POLM: variants seen among roughly 807,000 people sequenced by gnomAD.
POLM encodes DNA-directed DNA/RNA polymerase mu.
Under a neutral mutation model 56.7 loss-of-function variants are expected in POLM, and 52 were observed. That is an observed-to-expected ratio of 0.92 (90% confidence interval 0.73 to 1.15). The LOEUF (loss-of-function observed/expected upper bound fraction) is 1.15. Among genes scored for constraint, POLM ranks in the 50% most tolerant of loss-of-function variants. The probability of loss-of-function intolerance (pLI) is 0.00; values close to 1 mark genes in which losing one functional copy is unlikely to be tolerated. For missense variants in POLM, 660 were observed against 663.6 expected (o/e 0.99, Z 0.06); for synonymous variants, 273 against 274.3 (o/e 1.00, Z 0.05).
Position 44,073,999 on chromosome 7 carries a change from C to A in POLM, c.1098G>T (p.Gln366His), listed in dbSNP as rs1638344487. Residue 366 changes from glutamine to histidine, a missense_variant, in exon 9 of 11, where the codon CAG becomes CAT. Physicochemically the swap from Gln to His is conservative, Grantham distance 24. Transcript: ENST00000242248. ...DQGLILYHQH[Q>H]HSCCESPTRL... is the part of the protein sequence containing the mutation. ...GGGTAGGGGACTCACAGCAGCTGTG[C>A]TGGTGCTGGTGGTACAGGATGAGGC... 2.5e-6 allele frequency: 4 copies of A among 1,613,948 alleles called. No individual in the cohort carries two copies. The South Asian group carries it at 4.4e-5, about 18-fold the overall frequency.
chr7:44,081,057 T>A (rs1483710206), intron 1 of POLM, 141 bp from the exon 2 acceptor site: 16 of 634,016 alleles, frequency 2.5e-5, no homozygotes, highest in South Asian at 2.0e-4. Context: ...CAGAAAGCCT[T>A]CCCAGCCCCT....
chr7:44,078,586 G>T (rs1003114084), intron 5 of POLM, 154 bp downstream of exon 5: 4 of 638,778 alleles, frequency 6.3e-6, no homozygotes, highest in Admixed American at 2.5e-5. Context: ...TGCATATCAG[G>T]TATCAGCTTA....
Position 44,078,735 on chromosome 7 carries a change from C to A in POLM, c.714+5G>T, listed in dbSNP as rs765581013. ...TGGGGTAGGTCCGAGCCCTGCCCTG[C>A]GCACCTTCATGGTCTGGTACCTCTC... On this transcript the variant is annotated splice_donor_5th_base_variant and intron_variant, in intron 5 of 10. Transcript: ENST00000242248. 6 of 1,613,120 alleles carry A rather than the reference C, an allele frequency of 3.7e-6. No individual in the cohort carries two copies. Among genetic ancestry groups the A allele is most frequent in the East Asian group, 2.2e-5 (1 of 44,876 alleles).
At position 44,074,486 on chromosome 7, in the gene POLM, C is replaced by T. The variant is rs769143197; in HGVS notation, c.880G>A (p.Asp294Asn). The T allele has an allele frequency of 1.8e-5, 28 of 1,597,832 alleles. No homozygotes were observed. Among genetic ancestry groups the T allele is most frequent in the Non-Finnish European group, 2.1e-5 (25 of 1,172,870 alleles). Residue 294 changes from aspartate to asparagine, a missense_variant, in exon 7 of 11, where the codon GAT (aspartate) becomes AAT (asparagine). Transcript: ENST00000242248. The part of the protein sequence containing the change: ...QDLSTPVLRS[D>N]VDALQQVVEE... ...ACCACCTGCTGCAGGGCATCTACAT[C>T]GGACCGCAGGACTGGGGTGCTCAGG...
Position 44,080,912 on chromosome 7 carries a change from C to T in POLM, c.193G>A (p.Glu65Lys), listed in dbSNP as rs774514038. 9.0e-6 allele frequency: 14 copies of T among 1,562,864 alleles called. No individual in the cohort carries two copies. In the East Asian group the frequency reaches 1.6e-4, roughly 18 times the overall value. ...TCTTCCATCACAACATGTGTCGCTT[C>T]GGAGCTGGTGGAGGGAGTTGGGAGA... ...GFRVLDACSS[E>K]ATHVVMEETS... The change falls in exon 2 of 11, where the codon GAA becomes AAA. Residue 65 changes from glutamate to lysine, a missense_variant. By Grantham distance (56) the Glu-to-Lys change is moderately conservative. Transcript: ENST00000242248.
intron 6 of POLM, among the ~76,000 whole-genome samples, chr7:44,075,246 C>T (rs1367058998): frequency 2.0e-5 from 3 of 152,176 alleles, no homozygotes; most frequent in Non-Finnish European, 4.4e-5. Flanking sequence ...GACAGGGTTT[C>T]GCCACGTTGG....
chr7:44,079,476 G>C, intron 4 of POLM, 95 bp downstream of exon 4: 1 of 1,215,824 alleles, frequency 8.2e-7, no homozygotes, highest in Non-Finnish European at 1.2e-6. Flanking sequence ...ACGACTGTCT[G>C]TCCTCACCCA....
Position 44,080,829 on chromosome 7 carries a change from C to T in POLM, c.276G>A (p.Pro92=), listed in dbSNP as rs377356748. 7 of 1,612,836 alleles carry T rather than the reference C, an allele frequency of 4.3e-6. No individual in the cohort carries two copies. Among genetic ancestry groups the T allele is most frequent in the South Asian group, 2.2e-5 (2 of 90,946 alleles). Residue 92 remains proline (P), a synonymous_variant, in exon 2 of 11, where the codon CCG becomes CCA. Coordinates refer to ENST00000242248, the MANE Select transcript of POLM (RefSeq NM_013284.4). ...CCAGCAGAGCTGGGGGGGTGCAACC[C>T]GGGGGAGCAGCTGCCATCCTGCGCT... ...WQERRMAAAP[P]GCTPPALLDI...
rs766237933 is a variant in POLM at position 44,079,720 on chromosome 7, C to T, written c.493G>A (p.Glu165Lys). Residue 165 changes from glutamate to lysine, a missense_variant, in exon 4 of 11, where the codon GAG becomes AAG. By Grantham distance (56) the Glu-to-Lys change is moderately conservative. Coordinates refer to ENST00000242248, the MANE Select transcript of POLM (RefSeq NM_013284.4). ...GLSEALEILA[E>K]AAGFEGSEGR... Reference sequence around the variant, plus strand: ...TCACTGCCTTCAAAGCCTGCTGCCTCGGCCAGTATCTCCAGAGCCTCCTGC... The same window carrying T: ...TCACTGCCTTCAAAGCCTGCTGCCTTGGCCAGTATCTCCAGAGCCTCCTGC... The T allele has an allele frequency of 4.3e-6, 7 of 1,610,482 alleles. No homozygotes were observed. Among genetic ancestry groups the T allele is most frequent in the South Asian group, 3.3e-5 (3 of 90,732 alleles).
rs1360654357 is a variant in POLM at position 44,080,681 on chromosome 7, C to T, written c.372+52G>A. The T allele has an allele frequency of 4.7e-5, 73 of 1,566,850 alleles. No homozygotes were observed. In the East Asian group the frequency reaches 1.6e-3, roughly 35 times the overall value. On this transcript the variant is annotated intron_variant, in intron 2 of 10. Transcript: ENST00000242248. ...TCACCTGTCCCAGCTGAGCAATGGC[C>T]TACACTGGGGCTTTCACTGTAGCCC...
At position 44,073,885 on chromosome 7, in the gene POLM, TC is replaced by T; in HGVS notation, c.1211del (p.Gly404AspfsTer12). On this transcript the variant is annotated frameshift_variant, in exon 9 of 11. Coordinates refer to ENST00000242248, the MANE Select transcript of POLM (RefSeq NM_013284.4). LOFTEE classifies it high-confidence loss of function. ...TCCAGGATGGGCAGGGCCTCGTGGA[TC>T]CCCCCACAGCAGCCCCTGGAGGTTG... ...LPQPPGAAVG[G>X]STRPCPSWKA... 1.4e-5 allele frequency: 23 copies of T among 1,614,084 alleles called. No homozygotes were observed. The highest frequency in any genetic ancestry group is 1.9e-5 in the Non-Finnish European group (23 of 1,180,004).
Position 44,076,548 on chromosome 7 carries a change from G to C in POLM, c.796C>G (p.Arg266Gly). The stretch of plus-strand genomic sequence containing the variant: ...TGGGTTAGTTTCTGGGGCTGCTCTC[G>C]GAGGTCATCTAAGGTTCGCAGTCCT... ...REGLRTLDDL[R>G]EQPQKLTQQQ... The change falls in exon 6 of 11, where the codon CGA becomes GGA. Residue 266 changes from arginine (R) to glycine (G), a missense_variant. Coordinates refer to ENST00000242248, the MANE Select transcript of POLM (RefSeq NM_013284.4). 6.2e-7 allele frequency: 1 copy of C among 1,614,110 alleles called. No homozygotes were observed. Among genetic ancestry groups the C allele is most frequent in the Middle Eastern group, 1.7e-4 (1 of 6,060 alleles).
chr7:44,080,416 C>G, intron 2 of POLM: 1 of 573,974 alleles, frequency 1.7e-6, no homozygotes. Context: ...TCCTGCTAAC[C>G]CATGGGTCAT....
chr7:44,080,399 G>T (rs776533881), intron 2 of POLM: 3 of 560,176 alleles, frequency 5.4e-6, no homozygotes, highest in South Asian at 4.6e-5. Flanking sequence ...GCATCCAGAG[G>T]ACAGGCTCCT....
intron 9 of POLM, 29 bp from the exon 10 acceptor site, chr7:44,073,737 G>T: frequency 6.2e-7 from 1 of 1,614,102 alleles, no homozygotes; most frequent in Non-Finnish European, 8.5e-7. Context: ...CCTCAGCAGG[G>T]CTGGCCCAGC....
chr7:44,081,172 C>G (rs944825292), intron 1 of POLM, among the ~76,000 whole-genome samples: 1 of 152,216 alleles, frequency 6.6e-6, no homozygotes, highest in African/African-American at 2.4e-5. Context: ...CTCCCTCCCT[C>G]TTCACCTCAA....
chr7:44,081,694 C>T (rs17132330), intron 1 of POLM, among the ~76,000 whole-genome samples: 23,649 of 151,482 alleles, frequency 0.16, 1,950 homozygotes, highest in Admixed American at 0.2. Context: ...AAGTCAGTCT[C>T]GCTCACAGGT....
Position 44,074,009 on chromosome 7 carries a change from T to G in POLM, c.1088A>C (p.His363Pro), listed in dbSNP as rs760495105. The change falls in exon 9 of 11, where the codon CAC becomes CCC. Residue 363 changes from histidine (H) to proline (P), a missense_variant. His to Pro is a moderately conservative substitution (Grantham distance 77, BLOSUM62 -2). Coordinates refer to ENST00000242248, the MANE Select transcript of POLM (RefSeq NM_013284.4). Reference protein sequence around the residue: ...RLQDQGLILYHQHQHSCCESP... With the variant: ...RLQDQGLILYPQHQHSCCESP... ...CTCACAGCAGCTGTGCTGGTGCTGG[T>G]GGTACAGGATGAGGCCCTGTGGGGA... 6.2e-7 allele frequency: 1 copy of G among 1,613,810 alleles called. No individual in the cohort carries two copies. The highest frequency in any genetic ancestry group is 8.5e-7 in the Non-Finnish European group (1 of 1,180,028).
rs758697974 is a variant in POLM, at chr7:44,074,356, G to C, written c.968+42C>G. On this transcript the variant is annotated intron_variant, in intron 7 of 10. Transcript: ENST00000242248. ...CGACTCAGGTCCCTTCACTGGGGAG[G>C]GGTCTGAAGCCAAGCCAGAGGGGCA... 5 of 1,550,090 alleles carry C rather than the reference G, an allele frequency of 3.2e-6. No individual in the cohort carries two copies. The South Asian group carries it at 6.0e-5, about 18-fold the overall frequency.
Sources: gnomAD v4.1 joint callset for allele counts (sites outside exome capture counted in the v4.1 genomes callset) on GRCh38, gnomAD v4.1.1 for gene constraint, MANE v1.5 for transcripts, NCBI Gene and HGNC (gene_info 2026-07-23, HGNC 2026-07-21) for gene names.